UBAP2: variants seen among roughly 807,000 people sequenced by gnomAD.
The protein encoded by UBAP2 is ubiquitin associated protein 2, also known as ubiquitin-associated protein 2.
Under a neutral mutation model 139.6 loss-of-function variants are expected in UBAP2, and 75 were observed. The ratio of observed to expected loss-of-function variants is 0.54; its 90% CI spans 0.45 to 0.65. The LOEUF is 0.65. Among genes scored for constraint, UBAP2 ranks in the 30% least tolerant of loss-of-function variants. The pLI is 0.00. For synonymous variants in UBAP2, 526 were observed against 526.2 expected (o/e 1.00, Z 0.01); for missense variants, 1,368 against 1,369.6 (o/e 1.00, Z 0.02).
Position 34,015,618 on chromosome 9 carries a change from CGCCCG to C in UBAP2, c.99+1427_99+1431del, listed in dbSNP as rs548045566. On this transcript the variant is annotated intron_variant, in intron 2 of 28. Coordinates refer to ENST00000379238, the MANE Select transcript of UBAP2 (RefSeq NM_001370062.2). ...CTGGAATTACAGGCATGAGCCACTG[CGCCCG>C]GCCTCAAGTGGATCTTGATCATTAA... is the stretch of plus-strand genomic sequence containing the variant. Among the ~76,000 whole-genome samples the C allele has an allele frequency of 9.9e-5, 15 of 151,836 alleles. 1 individual carries two copies. The highest frequency in any genetic ancestry group is 3.4e-3 in the Middle Eastern group (1 of 294).
chr9:33,926,262 C>A (rs1001348124), intron 22 of UBAP2, among the ~76,000 whole-genome samples: 1 of 152,086 alleles, frequency 6.6e-6, no homozygotes, highest in African/African-American at 2.4e-5. Flanking sequence ...TCCAGGGCCA[C>A]GTAAGCAACC....
chr9:34,039,255 C>T (rs895990752), intron 1 of UBAP2, among the ~76,000 whole-genome samples: 1 of 151,072 alleles, frequency 6.6e-6, no homozygotes, highest in Non-Finnish European at 1.5e-5. Context: ...CGCCTGGCCG[C>T]CGCCCCGTCC....
At chr9:34,026,150 C>G (rs1825382872) in intron 1 of UBAP2, among the ~76,000 whole-genome samples, 1 of 152,188 alleles carries the variant, frequency 6.6e-6, no homozygotes, top group Admixed American at 6.6e-5. Context: ...AGAACACTTG[C>G]TGACAACATA....
chr9:33,936,926 C>CAAAAAAAAAAAAAAAAAAAAAAAA (rs66465145), intron 16 of UBAP2, among the ~76,000 whole-genome samples: 1 of 59,788 alleles, frequency 1.7e-5, no homozygotes, highest in Non-Finnish European at 2.8e-5. Flanking sequence ...AACTCCAGCT[C>CAAAAAAAAAAAAAAAAAAAAAAAA]AAAAAAAAAA....
At chr9:33,967,960 C>T (rs974810236) in intron 8 of UBAP2, 5 of 234,364 alleles carry the variant, frequency 2.1e-5, no homozygotes, top group Non-Finnish European at 3.5e-5. Context: ...TATTTCTTTA[C>T]TGCTGCTCTT....
intron 1 of UBAP2, among the ~76,000 whole-genome samples, chr9:34,045,206 C>T (rs898250257): frequency 6.7e-6 from 1 of 149,956 alleles, no homozygotes; most frequent in African/African-American, 2.5e-5. Context: ...ATTAGCCGGG[C>T]GTGGCGGCAG....
intron 11 of UBAP2, among the ~76,000 whole-genome samples, chr9:33,954,498 G>A (rs868021930): frequency 1.3e-5 from 2 of 151,978 alleles, no homozygotes; most frequent in Non-Finnish European, 2.9e-5. Flanking sequence ...CAGATGCACC[G>A]TATTACCTAA....
At chr9:34,012,711 C>T (rs950030396) in intron 2 of UBAP2, among the ~76,000 whole-genome samples, 1 of 151,828 alleles carries the variant, frequency 6.6e-6, no homozygotes, top group African/African-American at 2.4e-5. Flanking sequence ...TGGGAATAAA[C>T]TGTAGGGAAA....
At chr9:33,935,163 CGG>C (rs11317017) in intron 17 of UBAP2, among the ~76,000 whole-genome samples, 46,325 of 88,120 alleles carry the variant, frequency 0.53, 12,934 homozygotes, top group South Asian at 0.66. Context: ...TTGGAAGTGG[CGG>C]GGGGGGGGGG....
At chr9:33,992,498 T>C (rs1821797879) in intron 4 of UBAP2, among the ~76,000 whole-genome samples, 1 of 151,468 alleles carries the variant, frequency 6.6e-6, no homozygotes, top group African/African-American at 2.4e-5. Flanking sequence ...AGGCAGAGGT[T>C]GCAGTGAGCT....
intron 11 of UBAP2, among the ~76,000 whole-genome samples, chr9:33,955,196 A>C (rs565780941): frequency 2.7e-5 from 4 of 150,914 alleles, no homozygotes; most frequent in Admixed American, 2.0e-4. Flanking sequence ...AAAAAAAAAA[A>C]CAGGTCTACA....
chr9:33,928,171 TAGC>T, intron 19 of UBAP2, 179 bp from the exon 20 acceptor site: 1 of 581,138 alleles, frequency 1.7e-6, no homozygotes, highest in East Asian at 2.9e-5. Flanking sequence ...GCCCCTCACA[TAGC>T]AGCTGGTTCC....
At chr9:34,029,469 C>T (rs1488568239) in intron 1 of UBAP2, among the ~76,000 whole-genome samples, 2 of 150,612 alleles carry the variant, frequency 1.3e-5, no homozygotes, top group Non-Finnish European at 3.0e-5. Context: ...GCGGAGGTTG[C>T]AATGAGCCAA....
chr9:33,930,067 A>G (rs538061928), intron 19 of UBAP2, among the ~76,000 whole-genome samples: 3 of 152,256 alleles, frequency 2.0e-5, no homozygotes, highest in African/African-American at 7.2e-5. Flanking sequence ...AGGAAATCAA[A>G]TGGTTTTCAA....
intron 6 of UBAP2, among the ~76,000 whole-genome samples, chr9:33,983,103 C>T (rs1478123345): frequency 1.3e-5 from 2 of 152,052 alleles, no homozygotes; most frequent in Non-Finnish European, 1.5e-5. Flanking sequence ...TGGTCTCGAA[C>T]TCCTGACCTC....
At chr9:34,032,147 G>A (rs959563187) in intron 1 of UBAP2, among the ~76,000 whole-genome samples, 4 of 152,072 alleles carry the variant, frequency 2.6e-5, no homozygotes, top group Non-Finnish European at 4.4e-5. Context: ...AATTTAAAAA[G>A]TGCTAATAAG....
chr9:33,964,638 T>C (rs545687413), intron 8 of UBAP2, among the ~76,000 whole-genome samples: 1 of 151,752 alleles, frequency 6.6e-6, no homozygotes, highest in East Asian at 1.9e-4. Context: ...AGTTTGAGGT[T>C]GTAGTGCACT....
intron 10 of UBAP2, 23 bp downstream of exon 10, chr9:33,960,803 C>A: frequency 1.3e-6 from 2 of 1,594,724 alleles, no homozygotes; most frequent in East Asian, 2.2e-5. Context: ...AAAGAAAGGT[C>A]TCATCTGACA....
In UBAP2 at chr9:34,042,569, T is replaced by G. The variant is rs887467448; in HGVS notation, c.-42+6256A>C. On this transcript the variant is annotated intron_variant, in intron 1 of 28. Transcript: ENST00000379238. ...CTGGGAGGCCAAGCAGGAGGATCAC[T>G]TGAGTCCAGGAGTTCAAGACCACCC... Among the ~76,000 whole-genome samples the G allele has an allele frequency of 1.7e-4, 26 of 151,346 alleles. 1 individual carries two copies. The highest frequency in any genetic ancestry group is 6.3e-4 in the African/African-American group (26 of 41,202).
Sources: gnomAD v4.1 joint callset for allele counts (sites outside exome capture counted in the v4.1 genomes callset) on GRCh38, gnomAD v4.1.1 for gene constraint, MANE v1.5 for transcripts, NCBI Gene and HGNC (gene_info 2026-07-23, HGNC 2026-07-21) for gene names.